The following AP1G1 variants were observed in gnomAD, a reference collection of about 807,000 sequenced individuals.
AP1G1 encodes the protein adaptor related protein complex 1 subunit gamma 1.
A neutral mutation model predicts 108.3 loss-of-function variants in AP1G1; 7 were observed. That is an observed-to-expected ratio of 0.06 (90% CI 0.04 to 0.12). The LOEUF (loss-of-function observed/expected upper bound fraction) is 0.12. Among genes scored for constraint, AP1G1 ranks in the 10% least tolerant of loss-of-function variants. The probability of loss-of-function intolerance (pLI) is 1.00; values close to 1 mark genes in which losing one functional copy is unlikely to be tolerated. For missense variants in AP1G1, 756 were observed against 1,010.7 expected, an observed-to-expected ratio of 0.75 and a Z score of 3.42; for synonymous variants, 379 against 353.5, an observed-to-expected ratio of 1.07 and a Z score of -0.81.
chr16:71,750,466 G>A, intron 13 of AP1G1, 134 bp from the exon 14 acceptor site: 1 of 1,070,448 alleles, frequency 9.3e-7, no homozygotes, highest in Non-Finnish European at 1.3e-6. Context: ...CCAGGCTGGA[G>A]TGCGATAGCG....
At chr16:71,768,242 A>G (rs1206926173) in intron 6 of AP1G1, among the ~76,000 whole-genome samples, 1 of 151,198 alleles carries the variant, frequency 6.6e-6, no homozygotes, top group Non-Finnish European at 1.5e-5. Context: ...TCACGCCTGT[A>G]ATCCCAGCAC....
intron 21 of AP1G1, among the ~76,000 whole-genome samples, chr16:71,737,288 TTTC>T (rs879292612): frequency 2.0e-5 from 3 of 152,118 alleles, no homozygotes; most frequent in Non-Finnish European, 4.4e-5. Context: ...TCCCCTTTTT[TTTC>T]TTCTTTTTTT....
intron 19 of AP1G1, among the ~76,000 whole-genome samples, chr16:71,744,777 T>G (rs1363769318): frequency 1.3e-5 from 2 of 152,074 alleles, no homozygotes; most frequent in African/African-American, 4.8e-5. Flanking sequence ...CGTTTCACCA[T>G]GTTGGCCAGG....
At chr16:71,782,658 T>G (rs1228454118) in intron 2 of AP1G1, among the ~76,000 whole-genome samples, 1 of 151,844 alleles carries the variant, frequency 6.6e-6, no homozygotes, top group African/African-American at 2.4e-5. Flanking sequence ...TGGTTAATTT[T>G]TGTATTTTTA....
At chr16:71,776,136 C>T (rs948270709) in intron 2 of AP1G1, among the ~76,000 whole-genome samples, 2 of 152,148 alleles carry the variant, frequency 1.3e-5, no homozygotes, top group Admixed American at 6.5e-5. Context: ...GCTAAAATCA[C>T]GTGAGACTAC....
chr16:71,774,640 C>A, intron 2 of AP1G1, 48 bp from the exon 3 acceptor site: 1 of 1,534,014 alleles, frequency 6.5e-7, no homozygotes, highest in Non-Finnish European at 8.7e-7. Context: ...CTTGCTACCA[C>A]AATCTAGAAA....
At chr16:71,774,657 G>A (rs369164707) in intron 2 of AP1G1, 65 bp from the exon 3 acceptor site, 3 of 1,504,760 alleles carry the variant, frequency 2.0e-6, no homozygotes, top group South Asian at 1.3e-5. Context: ...GAAAAGCAGT[G>A]TTTTTAACCC....
rs559507715 is a variant in AP1G1 at position 71,761,645 on chromosome 16, A to G, written c.919-78T>C. ...TTTCCTGAGTTTAAAGGATCACTTC[A>G]TGACCTCTGGTGCTTCACAGACTGC... On this transcript the variant is annotated intron_variant, in intron 9 of 22. Transcript: ENST00000299980. 63 of 1,088,446 alleles carry G rather than the reference A, an allele frequency of 5.8e-5. No individual in the cohort carries two copies. In the African/African-American group the frequency reaches 8.4e-4, roughly 15 times the overall value. The allele number at this position is 1,088,446 out of a possible 1,614,324, so 67.4% of individuals were successfully genotyped here. A position where few individuals can be genotyped will look rare whatever the true frequency, so the allele number is the denominator to read the frequency against.
chr16:71,803,100 AG>A (rs1327720163), intron 1 of AP1G1, among the ~76,000 whole-genome samples: 50 of 151,902 alleles, frequency 3.3e-4, no homozygotes, highest in Middle Eastern at 3.4e-3. Flanking sequence ...CTGCAGTCCC[AG>A]CTACTCGGGA....
intron 6 of AP1G1, chr16:71,767,777 G>T: frequency 8.7e-7 from 1 of 1,154,086 alleles, no homozygotes; most frequent in Non-Finnish European, 1.3e-6. Flanking sequence ...CACAGCTTCA[G>T]CATTAGTATA....
intron 2 of AP1G1, among the ~76,000 whole-genome samples, chr16:71,785,895 A>AG (rs1336210219): frequency 6.6e-6 from 1 of 152,090 alleles, no homozygotes; most frequent in Non-Finnish European, 1.5e-5. Context: ...GAAAAAAAAA[A>AG]GTGGCTATTA....
intron 19 of AP1G1, among the ~76,000 whole-genome samples, chr16:71,740,758 A>G (rs988544640): frequency 1.3e-5 from 2 of 152,246 alleles, no homozygotes; most frequent in Non-Finnish European, 1.5e-5. Flanking sequence ...GGCAAACACC[A>G]ATGTTAAACA....
At chr16:71,764,844 C>A in intron 7 of AP1G1, 118 bp from the exon 8 acceptor site, 1 of 651,980 alleles carries the variant, frequency 1.5e-6, no homozygotes, top group South Asian at 2.1e-5. Context: ...ACCATTTATT[C>A]ATATCAGAAA....
chr16:71,779,264 C>T (rs1184656860), intron 2 of AP1G1, among the ~76,000 whole-genome samples: 1 of 151,902 alleles, frequency 6.6e-6, no homozygotes, highest in Non-Finnish European at 1.5e-5. Context: ...ACCCCACCCC[C>T]GCCAATATTC....
intron 11 of AP1G1, among the ~76,000 whole-genome samples, chr16:71,758,166 A>G (rs776970839): frequency 2.0e-5 from 3 of 152,224 alleles, no homozygotes; most frequent in African/African-American, 4.8e-5. Flanking sequence ...CACTTTAAAT[A>G]TACTTTGTTC....
intron 1 of AP1G1, among the ~76,000 whole-genome samples, chr16:71,791,217 CAAAAAAACAAAAA>C (rs922080391): frequency 1.2e-4 from 12 of 102,256 alleles, no homozygotes; most frequent in African/African-American, 2.8e-4. Flanking sequence ...AAGACTGTCT[CAAAAAAACAAAAA>C]AAAAAAACAA....
intron 10 of AP1G1, among the ~76,000 whole-genome samples, chr16:71,760,888 A>G (rs1414816628): frequency 1.3e-5 from 2 of 152,152 alleles, no homozygotes; most frequent in African/African-American, 4.8e-5. Flanking sequence ...ATTTCTCCTG[A>G]TTAGAAAAAC....
At chr16:71,754,432 A>G (rs1016268273) in intron 12 of AP1G1, among the ~76,000 whole-genome samples, 16 of 152,184 alleles carry the variant, frequency 1.1e-4, no homozygotes, top group African/African-American at 2.4e-5. Flanking sequence ...GGTTCCCTGG[A>G]TAAGTGAACA....
chr16:71,747,517 T>C (rs1032659350), intron 16 of AP1G1: 3 of 152,010 alleles, frequency 2.0e-5, no homozygotes, highest in Admixed American at 6.6e-5. Flanking sequence ...GAGATGGAGA[T>C]TGCAGTGAGC....
Sources: allele counts gnomAD v4.1 joint callset (sites outside exome capture counted in the v4.1 genomes callset), GRCh38; gene constraint gnomAD v4.1.1; transcripts MANE v1.5; gene names NCBI Gene and HGNC (gene_info 2026-07-23, HGNC 2026-07-21).